TRAF2: variants seen among roughly 807,000 people sequenced by gnomAD.
TRAF2 encodes TNF receptor-associated factor 2.
In TRAF2, 6 loss-of-function variants were observed where a neutral mutation model predicts 55.6. The observed-to-expected ratio is 0.11, with a 90% confidence interval of 0.06 to 0.21. TRAF2 has a LOEUF of 0.21. Ranked by LOEUF, TRAF2 falls within the 10% of genes least tolerant of loss-of-function variation. The probability of loss-of-function intolerance (pLI) is 1.00; values close to 1 mark genes in which losing one functional copy is unlikely to be tolerated. For synonymous variants in TRAF2, 329 were observed against 276.3 expected (o/e 1.19, Z -1.89); for missense variants, 561 against 684.5 (o/e 0.82, Z 2.01).
chr9:136,905,382 GAC>G (rs1291487051), intron 4 of TRAF2, among the ~76,000 whole-genome samples: 1 of 152,216 alleles, frequency 6.6e-6, no homozygotes, highest in Non-Finnish European at 1.5e-5. Context: ...TGAATTCACT[GAC>G]AGAGTCCCCG....
chr9:136,921,240 A>G (rs372983948), intron 9 of TRAF2, 25 bp downstream of exon 9: 26 of 1,611,962 alleles, frequency 1.6e-5, no homozygotes, highest in Non-Finnish European at 2.2e-5. Flanking sequence ...CCCCCACCTC[A>G]CTGCAGCTGC....
chr9:136,897,864 T>G (rs1849720417), intron 1 of TRAF2, among the ~76,000 whole-genome samples: 2 of 130,874 alleles, frequency 1.5e-5, no homozygotes, highest in Non-Finnish European at 3.2e-5. Flanking sequence ...CAGCCTCAGG[T>G]GTGCTACGTT....
rs1385704782 is a variant in TRAF2 at position 136,926,595 on chromosome 9, C to A, written c.*694C>A. Reference sequence around the variant, plus strand: ...AGCTCACGAAGACAGAGTTATTAAACCATTCAAATCTCTGTGGTCAGTGGC... The same window carrying A: ...AGCTCACGAAGACAGAGTTATTAAAACATTCAAATCTCTGTGGTCAGTGGC... On this transcript the variant is annotated 3_prime_UTR_variant, in exon 11 of 11. Transcript: ENST00000247668. The A allele has an allele frequency of 6.3e-6, 1 of 157,646 alleles. No homozygotes were observed. Among genetic ancestry groups the A allele is most frequent in the East Asian group, 1.8e-4 (1 of 5,626 alleles). 9.8% of individuals were successfully genotyped at this position (157,646 alleles called of 1,614,324 possible).
At chr9:136,908,482 G>A (rs1002675513) in intron 5 of TRAF2, among the ~76,000 whole-genome samples, 1 of 152,230 alleles carries the variant, frequency 6.6e-6, no homozygotes, top group Admixed American at 6.5e-5. Context: ...CAGCGCTTTG[G>A]GAGGCTGAGG....
At chr9:136,920,950 G>C in intron 8 of TRAF2, 88 bp from the exon 9 acceptor site, 1 of 1,524,972 alleles carries the variant, frequency 6.6e-7, no homozygotes, top group Non-Finnish European at 8.9e-7. Flanking sequence ...CAAGAGCACT[G>C]TCCTGCTGGA....
At position 136,916,554 on chromosome 9, in the gene TRAF2, T is replaced by C; in HGVS notation, c.617T>C (p.Val206Ala). The C allele has an allele frequency of 6.2e-7, 1 of 1,614,038 alleles. No individual in the cohort carries two copies. Among genetic ancestry groups the C allele is most frequent in the Non-Finnish European group, 8.5e-7 (1 of 1,179,970 alleles). ...KIPREKFQDHVKTCGKCRVPC... is the reference protein window; with the variant it reads ...KIPREKFQDHAKTCGKCRVPC... ...ACTCCCTTGTAGTTTCAGGACCACG[T>C]CAAGACTTGTGGCAAGTGTCGAGTC... The change falls in exon 7 of 11, where the codon GTC becomes GCC. Residue 206 changes from valine to alanine, a missense_variant. Transcript: ENST00000247668.
chr9:136,890,839 C>CT (rs1849567032), intron 1 of TRAF2, among the ~76,000 whole-genome samples: 1 of 152,190 alleles, frequency 6.6e-6, no homozygotes, highest in South Asian at 2.1e-4. Context: ...TAATGATCCC[C>CT]GACCTTCCAG....
At chr9:136,905,771 C>A (rs1255576916) in intron 4 of TRAF2, among the ~76,000 whole-genome samples, 4 of 152,066 alleles carry the variant, frequency 2.6e-5, no homozygotes, top group African/African-American at 4.8e-5. Flanking sequence ...CTTAGGTGGG[C>A]AGATTGCTTG....
chr9:136,887,095 C>T (rs994723283), intron 1 of TRAF2, among the ~76,000 whole-genome samples: 10 of 152,202 alleles, frequency 6.6e-5, no homozygotes, highest in Non-Finnish European at 1.0e-4. Flanking sequence ...CCTTCCTGCC[C>T]AGTGGCTGGG....
intron 2 of TRAF2, 141 bp from the exon 3 acceptor site, chr9:136,899,453 C>A: frequency 1.5e-6 from 1 of 655,118 alleles, no homozygotes; most frequent in Non-Finnish European, 2.6e-6. Context: ...GTCCTGTTAA[C>A]ATTTGCCTGC....
At chr9:136,887,344 G>T (rs1050249942) in intron 1 of TRAF2, among the ~76,000 whole-genome samples, 1 of 152,220 alleles carries the variant, frequency 6.6e-6, no homozygotes, top group African/African-American at 2.4e-5. Flanking sequence ...CAAGATGAAG[G>T]AGTCACAGCG....
intron 1 of TRAF2, among the ~76,000 whole-genome samples, chr9:136,891,724 CTT>C (rs35674360): frequency 4.8e-5 from 7 of 144,548 alleles, no homozygotes. Context: ...CACCCTGAAT[CTT>C]TTTTTTTTTT....
At position 136,907,693 on chromosome 9, in the gene TRAF2, G is replaced by A. The variant is rs188135468; in HGVS notation, c.367-377G>A. On this transcript the variant is annotated intron_variant, in intron 4 of 10. Coordinates refer to ENST00000247668, the MANE Select transcript of TRAF2 (RefSeq NM_021138.4). ...GTTGGGCTTGGTCATCAGATCGAGC[G>A]TGGCCTGCTTTCTCGGTTAGGAGCT... Among the ~76,000 whole-genome samples the A allele has an allele frequency of 2.2e-3, 335 of 152,250 alleles. 3 individuals are homozygous for A. In the South Asian group the frequency reaches 0.029, roughly 13 times the overall value.
chr9:136,897,937 G>A (rs1849722814), intron 1 of TRAF2, among the ~76,000 whole-genome samples: 1 of 138,476 alleles, frequency 7.2e-6, no homozygotes, highest in Non-Finnish European at 1.6e-5. Context: ...CCAGCCTCAG[G>A]TGTGCTACGT....
At chr9:136,907,275 G>A (rs900442878) in intron 4 of TRAF2, among the ~76,000 whole-genome samples, 72 of 152,164 alleles carry the variant, frequency 4.7e-4, no homozygotes, top group African/African-American at 1.1e-3. Flanking sequence ...CACCTTCCCC[G>A]GCCCTGCCTC....
chr9:136,924,849 C>T (rs957669206), intron 10 of TRAF2, among the ~76,000 whole-genome samples: 1 of 152,098 alleles, frequency 6.6e-6, no homozygotes, highest in Non-Finnish European at 1.5e-5. Flanking sequence ...AGCGATTCTC[C>T]TGCCTCAGCC....
intron 1 of TRAF2, among the ~76,000 whole-genome samples, chr9:136,895,981 T>C (rs545228161): frequency 6.6e-6 from 1 of 152,096 alleles, no homozygotes; most frequent in African/African-American, 2.4e-5. Flanking sequence ...GGCCTGTCAG[T>C]CCCTGCCTCC....
At position 136,886,549 on chromosome 9, in the gene TRAF2, G is replaced by A. The variant is rs1241253681; in HGVS notation, c.-29+8G>A. ...GCGCGCTGCGACCGTTGGGTGAGGCGAGCGCGGGGTCGGGTGCGGGGTCGG... is the reference window on the plus strand; with the variant it reads ...GCGCGCTGCGACCGTTGGGTGAGGCAAGCGCGGGGTCGGGTGCGGGGTCGG... On this transcript the variant is annotated splice_region_variant and intron_variant, in intron 1 of 10. Transcript: ENST00000247668. 1 of 986,042 alleles carries A rather than the reference G, an allele frequency of 1.0e-6. No individual in the cohort carries two copies. Among genetic ancestry groups the A allele is most frequent in the Non-Finnish European group, 1.2e-6 (1 of 831,494 alleles). The allele number at this position is 986,042 out of a possible 1,614,324, so 61.1% of individuals were successfully genotyped here. A position where few individuals can be genotyped will look rare whatever the true frequency, so the allele number is the denominator to read the frequency against.
At chr9:136,917,399 G>T (rs1000042028) in intron 7 of TRAF2, among the ~76,000 whole-genome samples, 7 of 152,170 alleles carry the variant, frequency 4.6e-5, no homozygotes, top group African/African-American at 1.7e-4. Context: ...GTCTCTCCAG[G>T]TGGACCCCCC....
Sources: gnomAD v4.1 joint callset for allele counts (sites outside exome capture counted in the v4.1 genomes callset) on GRCh38, gnomAD v4.1.1 for gene constraint, MANE v1.5 for transcripts, NCBI Gene and HGNC (gene_info 2026-07-23, HGNC 2026-07-21) for gene names.